ATM: variants seen among roughly 807,000 people sequenced by gnomAD.
ATM encodes the protein serine-protein kinase ATM.
ATM carries 308 observed loss-of-function variants against 387.0 expected under a neutral mutation model. The observed-to-expected ratio is 0.80, with a 90% CI of 0.73 to 0.87. The LOEUF (loss-of-function observed/expected upper bound fraction) is 0.87. Among genes scored for constraint, ATM ranks in the 40% least tolerant of loss-of-function variants. The probability of loss-of-function intolerance (pLI) is 0.00; values close to 1 mark genes in which losing one functional copy is unlikely to be tolerated. For synonymous variants in ATM, 1,156 were observed against 1,187.3 expected, an observed-to-expected ratio of 0.97 and a Z score of 0.54; for missense variants, 3,312 against 3,560.9, an observed-to-expected ratio of 0.93 and a Z score of 1.78.
chr11:108,281,525 T>G (rs2082232945), intron 24 of ATM, among the ~76,000 whole-genome samples: 1 of 152,138 alleles, frequency 6.6e-6, no homozygotes, highest in Non-Finnish European at 1.5e-5. Flanking sequence ...GGCAGCACAT[T>G]GGGATCCAGC....
chr11:108,359,193 CAAAG>C (rs761587651), intron 61 of ATM, among the ~76,000 whole-genome samples: 3 of 151,362 alleles, frequency 2.0e-5, no homozygotes, highest in East Asian at 1.9e-4. Flanking sequence ...TCAAAAGAAA[CAAAG>C]AAGGCCATTA....
chr11:108,325,500 C>T lies in ATM; in HGVS notation c.6763C>T (p.Leu2255Phe), dbSNP rs2085578159. Reference sequence around the variant, plus strand: ...TATTAAGGACATTCTCACCAAACACCTTGTAGAACTCTCTATACTGGCCAG... The same window carrying T: ...TATTAAGGACATTCTCACCAAACACTTTGTAGAACTCTCTATACTGGCCAG... Reference protein sequence around the residue: ...ECIKDILTKHLVELSILARTF... With the variant: ...ECIKDILTKHFVELSILARTF... Residue 2255 changes from leucine (L) to phenylalanine (F), a missense_variant, in exon 46 of 63, where the codon CTT (leucine) becomes TTT (phenylalanine). Leu to Phe is a conservative substitution (Grantham distance 22, BLOSUM62 0). This residue lies in a region of ATM where 1,405 missense variants were observed against 1,604.4 expected (regional missense o/e 0.88). Coordinates refer to ENST00000675843, the MANE Select transcript of ATM (RefSeq NM_000051.4). 1 of 1,613,062 alleles carries T rather than the reference C, an allele frequency of 6.2e-7. No homozygotes were observed. Among genetic ancestry groups the T allele is most frequent in the Non-Finnish European group, 8.5e-7 (1 of 1,179,746 alleles).
At chr11:108,263,148 A>G (rs1287977679) in intron 16 of ATM, among the ~76,000 whole-genome samples, 14 of 149,080 alleles carry the variant, frequency 9.4e-5, no homozygotes, top group African/African-American at 3.0e-4. Flanking sequence ...ATAGACATCT[A>G]CAGAACTCTC....
chr11:108,229,129 A>T (rs2078879082), intron 3 of ATM, 49 bp from the exon 4 acceptor site: 1 of 1,560,372 alleles, frequency 6.4e-7, no homozygotes, highest in East Asian at 2.3e-5. Context: ...AAATTATTAT[A>T]ATTTAAGTAT....
At chr11:108,317,813 G>T (rs917549876) in intron 43 of ATM, among the ~76,000 whole-genome samples, 3 of 151,320 alleles carry the variant, frequency 2.0e-5, no homozygotes, top group African/African-American at 7.3e-5. Flanking sequence ...ACCTAGGCTT[G>T]AATTTTACTC....
chr11:108,227,663 TCAACTAGAA>T lies in ATM; in HGVS notation c.42_50del (p.Gln14_Glu16del). 1 of 1,613,842 alleles carries T rather than the reference TCAACTAGAA, an allele frequency of 6.2e-7. No individual in the cohort carries two copies. Among genetic ancestry groups the T allele is most frequent in the Non-Finnish European group, 8.5e-7 (1 of 1,179,870 alleles). The stretch of plus-strand genomic sequence containing the variant: ...TTAATGATCTGCTTATCTGCTGCCG[TCAACTAGAA>T]CATGATAGAGCTACAGAACGAAAGG... On this transcript the variant is annotated inframe_deletion, in exon 2 of 63. Coordinates refer to ENST00000675843, the MANE Select transcript of ATM (RefSeq NM_000051.4).
rs1470966728 is a variant in ATM at position 108,282,975 on chromosome 11, C to G, written c.3746+96C>G. Reference sequence around the variant, plus strand: ...TCACCAGCAACACACATACCATACCCATACACATGTGTGTGTGGGAGCCTA... The same window carrying G: ...TCACCAGCAACACACATACCATACCGATACACATGTGTGTGTGGGAGCCTA... On this transcript the variant is annotated intron_variant, in intron 25 of 62. Coordinates refer to ENST00000675843, the MANE Select transcript of ATM (RefSeq NM_000051.4). 4 of 772,890 alleles carry G rather than the reference C, an allele frequency of 5.2e-6. No individual in the cohort carries two copies. In the Admixed American group the frequency reaches 1.1e-4, roughly 21 times the overall value. 47.9% of individuals were successfully genotyped at this position (772,890 alleles called of 1,614,324 possible).
chr11:108,336,105 TCA>T, intron 56 of ATM, 144 bp downstream of exon 56: 1 of 634,328 alleles, frequency 1.6e-6, no homozygotes, highest in Non-Finnish European at 2.8e-6. Context: ...GAGACCAGCC[TCA>T]GCAACATAGT....
At chr11:108,224,251 T>C (rs1277565626) in intron 1 of ATM, 1 of 152,172 alleles carries the variant, frequency 6.6e-6, no homozygotes. Context: ...TTTGAACTAA[T>C]ACAATCTGAC....
intron 61 of ATM, among the ~76,000 whole-genome samples, chr11:108,358,011 C>A (rs887504647): frequency 7.6e-5 from 11 of 145,626 alleles, no homozygotes; most frequent in Admixed American, 1.4e-4. Context: ...TACGGGAGGA[C>A]ATTCAAACCA....
intron 22 of ATM, among the ~76,000 whole-genome samples, chr11:108,276,234 C>G (rs934413993): frequency 1.3e-5 from 2 of 152,192 alleles, no homozygotes; most frequent in African/African-American, 2.4e-5. Flanking sequence ...CTTCTCTACA[C>G]TGATTATTCT....
intron 45 of ATM, among the ~76,000 whole-genome samples, chr11:108,323,146 G>A (rs2085353350): frequency 2.0e-5 from 3 of 152,178 alleles, no homozygotes; most frequent in Admixed American, 2.0e-4. Context: ...AAAAGAGAAG[G>A]AAATTTTAGA....
intron 61 of ATM, among the ~76,000 whole-genome samples, chr11:108,358,141 G>A (rs1306829164): frequency 1.3e-5 from 2 of 151,672 alleles, no homozygotes; most frequent in Non-Finnish European, 2.9e-5. Context: ...AGAACTATGT[G>A]AAGAATGCAG....
chr11:108,364,967 C>T, intron 61 of ATM, 115 bp from the exon 62 acceptor site: 1 of 1,184,436 alleles, frequency 8.4e-7, no homozygotes, highest in Non-Finnish European at 1.2e-6. Flanking sequence ...GTTTGTTCCC[C>T]TCCCCCATCA....
Position 108,366,469 on chromosome 11 carries a change from A to G in ATM, c.*961A>G, listed in dbSNP as rs1455164987. 4.5e-6 allele frequency: 1 copy of G among 223,988 alleles called. No individual in the cohort carries two copies. Among genetic ancestry groups the G allele is most frequent in the African/African-American group, 2.2e-5 (1 of 44,786 alleles). The allele number at this position is 223,988 out of a possible 1,614,324, so 13.9% of individuals were successfully genotyped here. On this transcript the variant is annotated 3_prime_UTR_variant, in exon 63 of 63. Coordinates refer to ENST00000675843, the MANE Select transcript of ATM (RefSeq NM_000051.4). ...TGATAGACACTGTAATAGTTCTATT[A>G]AATTTAGTTCCTGCTGTTTATATCT...
rs757565418 is a variant in ATM at position 108,256,207 on chromosome 11, A to G, written c.2125-8A>G. ...ATATATATATTTTTATTTGTGGTTTACTTTAAGATTACAAATTCAGAAACT... is the reference window on the plus strand; with the variant it reads ...ATATATATATTTTTATTTGTGGTTTGCTTTAAGATTACAAATTCAGAAACT... On this transcript the variant is annotated splice_region_variant and splice_polypyrimidine_tract_variant and intron_variant, in intron 13 of 62. Transcript: ENST00000675843. 6.3e-7 allele frequency: 1 copy of G among 1,597,532 alleles called. No homozygotes were observed. The highest frequency in any genetic ancestry group is 8.6e-7 in the Non-Finnish European group (1 of 1,169,126).
intron 4 of ATM, chr11:108,230,121 A>T (rs1240718759): frequency 6.6e-6 from 1 of 152,270 alleles, no homozygotes; most frequent in Non-Finnish European, 1.5e-5. Context: ...TAGCATTAAC[A>T]GTATTAAAAA....
intron 44 of ATM, among the ~76,000 whole-genome samples, chr11:108,320,841 C>G (rs1044631035): frequency 1.3e-5 from 2 of 152,106 alleles, no homozygotes; most frequent in African/African-American, 2.4e-5. Context: ...TAACCAGAAG[C>G]CTTACCAATA....
rs534728828 is a variant in ATM at position 108,350,339 on chromosome 11, G to C, written c.8671+2974G>C. ...TTGTCTCTACCCCTGGGCTGAGTTA[G>C]GGAAAGAAGAGGGCTAATAAACTAG... On this transcript the variant is annotated intron_variant, in intron 59 of 62. Coordinates refer to ENST00000675843, the MANE Select transcript of ATM (RefSeq NM_000051.4). Among the ~76,000 whole-genome samples the C allele has an allele frequency of 4.7e-4, 72 of 152,294 alleles. 1 individual carries two copies. The highest frequency in any genetic ancestry group is 1.5e-3 in the African/African-American group (64 of 41,574).
Sources: gnomAD v4.1 joint callset for allele counts (sites outside exome capture counted in the v4.1 genomes callset) on GRCh38, gnomAD v4.1.1 for gene constraint, gnomAD v4.1.1 regional missense constraint, MANE v1.5 for transcripts, NCBI Gene and HGNC (gene_info 2026-07-23, HGNC 2026-07-21) for gene names.